The following API5 variants were observed in gnomAD, a reference collection of about 807,000 sequenced individuals.
The protein encoded by API5 is apoptosis inhibitor 5, also known as FIF.
API5 carries 6 observed loss-of-function variants against 71.9 expected under a neutral mutation model. The observed-to-expected ratio is 0.08, with a 90% CI of 0.05 to 0.16. The LOEUF (loss-of-function observed/expected upper bound fraction) is 0.16. API5 is among the 10% of genes least tolerant of loss of function. API5 has a pLI of 1.00. For missense variants in API5, 332 were observed against 612.8 expected (o/e 0.54, Z 4.84); for synonymous variants, 189 against 221.3 (o/e 0.85, Z 1.30).
chr11:43,336,292 T>C (rs967564955), intron 13 of API5: 3 of 401,662 alleles, frequency 7.5e-6, no homozygotes, highest in Non-Finnish European at 1.3e-5. Flanking sequence ...ATTCTTTCCA[T>C]GCTTTCCCAG....
intron 4 of API5, 41 bp from the exon 5 acceptor site, chr11:43,321,944 T>G: frequency 6.3e-7 from 1 of 1,579,978 alleles, no homozygotes; most frequent in Non-Finnish European, 8.6e-7. Flanking sequence ...ACCATTACAC[T>G]ATAGAATTGA....
chr11:43,344,211 G>T lies in API5; in HGVS notation c.*1701G>T, dbSNP rs1213969580. ...CCATTTCAAGTACAGAAATTATAGA[G>T]ACTACAGCTAAATAAATTTGAACAT... On this transcript the variant is annotated 3_prime_UTR_variant, in exon 14 of 14. Coordinates refer to ENST00000531273, the MANE Select transcript of API5 (RefSeq NM_001142930.2). 1 of 152,604 alleles carries T rather than the reference G, an allele frequency of 6.6e-6. No individual in the cohort carries two copies. Among genetic ancestry groups the T allele is most frequent in the East Asian group, 1.9e-4 (1 of 5,196 alleles). The allele number at this position is 152,604 out of a possible 1,614,324, so 9.5% of individuals were successfully genotyped here.
chr11:43,317,239 A>G (rs932948043), intron 1 of API5, among the ~76,000 whole-genome samples: 4 of 152,280 alleles, frequency 2.6e-5, no homozygotes, highest in African/African-American at 9.6e-5. Context: ...ATATATGTGT[A>G]GTCTTTCTGT....
intron 1 of API5, 119 bp downstream of exon 1, chr11:43,312,315 A>C (rs1282455487): frequency 7.3e-6 from 8 of 1,091,498 alleles, no homozygotes; most frequent in Non-Finnish European, 9.4e-6. Context: ...GGGGCCTCCT[A>C]GCCTCCTCAG....
chr11:43,337,661 C>T (rs1183410154), intron 13 of API5, among the ~76,000 whole-genome samples: 2 of 152,178 alleles, frequency 1.3e-5, no homozygotes, highest in Non-Finnish European at 2.9e-5. Context: ...GGAAAGGATT[C>T]TCCGTTACTT....
chr11:43,321,456 T>C lies in API5; in HGVS notation c.371T>C (p.Ile124Thr). ...CTAGTGAACAATGCCCTATTAAGTA[T>C]ATTTAAAATGGATGCAAAAGGTAAG... is the stretch of plus-strand genomic sequence containing the variant. The part of the protein sequence containing the change: ...FNLVNNALLS[I>T]FKMDAKGTLG... The change falls in exon 4 of 14, where the codon ATA becomes ACA. Residue 124 changes from isoleucine to threonine, a missense_variant. Ile to Thr is a moderately conservative substitution (Grantham distance 89). Coordinates refer to ENST00000531273, the MANE Select transcript of API5 (RefSeq NM_001142930.2). 1 of 1,611,162 alleles carries C rather than the reference T, an allele frequency of 6.2e-7. No individual in the cohort carries two copies. The highest frequency in any genetic ancestry group is 8.5e-7 in the Non-Finnish European group (1 of 1,178,314).
chr11:43,331,679 A>T lies in API5; in HGVS notation c.1278+1115A>T, dbSNP rs550549336. Among the ~76,000 whole-genome samples the T allele has an allele frequency of 2.6e-5, 4 of 152,284 alleles. No homozygotes were observed. The East Asian group carries it at 7.7e-4, about 29-fold the overall frequency. ...TTTTATTGGAAAGAATCTGCGTATA[A>T]GTGAGACCATGTAGTCCAAATTCAA... On this transcript the variant is annotated intron_variant, in intron 11 of 13. Coordinates refer to ENST00000531273, the MANE Select transcript of API5 (RefSeq NM_001142930.2).
chr11:43,318,219 A>G (rs1401726407), intron 1 of API5, among the ~76,000 whole-genome samples: 2 of 151,772 alleles, frequency 1.3e-5, no homozygotes, highest in Admixed American at 6.6e-5. Flanking sequence ...ATGTTGGCCA[A>G]GCTAGTCTTG....
chr11:43,326,684 A>G, intron 7 of API5, 73 bp downstream of exon 7: 1 of 846,770 alleles, frequency 1.2e-6, no homozygotes, highest in South Asian at 1.5e-5. Context: ...CCACTAACTT[A>G]GATCCGATTT....
intron 1 of API5, among the ~76,000 whole-genome samples, chr11:43,314,316 T>A (rs766086162): frequency 6.6e-6 from 1 of 152,174 alleles, no homozygotes; most frequent in Non-Finnish European, 1.5e-5. Flanking sequence ...GGAATCCTTC[T>A]AAGAAACCTT....
At chr11:43,333,234 G>A (rs1003033330) in intron 11 of API5, among the ~76,000 whole-genome samples, 3 of 152,118 alleles carry the variant, frequency 2.0e-5, no homozygotes, top group Non-Finnish European at 4.4e-5. Flanking sequence ...TAGTATTTGC[G>A]TATAACCTAC....
intron 9 of API5, 89 bp from the exon 10 acceptor site, chr11:43,329,876 C>T: frequency 9.4e-7 from 1 of 1,058,918 alleles, no homozygotes; most frequent in Non-Finnish European, 1.4e-6. Flanking sequence ...CATTTCTGCA[C>T]TTAGGATCAT....
In API5 at chr11:43,318,621, G is replaced by C; in HGVS notation, c.70-19G>C. 6.2e-7 allele frequency: 1 copy of C among 1,609,882 alleles called. No individual in the cohort carries two copies. ...TCCTTCAAAATCATGTGTCTTTCCT[G>C]CTTTATTTTTTATTTCAGCATAAAG... On this transcript the variant is annotated intron_variant, in intron 1 of 13. Transcript: ENST00000531273.
intron 3 of API5, 149 bp from the exon 4 acceptor site, chr11:43,321,262 G>A (rs1366548768): frequency 2.4e-5 from 17 of 694,666 alleles, no homozygotes; most frequent in Middle Eastern, 2.8e-4. Context: ...CAAGGAACAC[G>A]TATCTTTTTG....
At chr11:43,328,964 T>A in intron 9 of API5, 71 bp downstream of exon 9, 1 of 1,526,008 alleles carries the variant, frequency 6.6e-7, no homozygotes, top group Non-Finnish European at 9.0e-7. Flanking sequence ...TGGGTTTTGC[T>A]TTTGTTCTAT....
chr11:43,322,714 T>C (rs1311020289), intron 5 of API5, among the ~76,000 whole-genome samples: 1 of 152,224 alleles, frequency 6.6e-6, no homozygotes, highest in Non-Finnish European at 1.5e-5. Context: ...GCATTTTATC[T>C]AAAGCATGTG....
chr11:43,333,248 A>G (rs186253537), intron 11 of API5, among the ~76,000 whole-genome samples: 70 of 152,268 alleles, frequency 4.6e-4, no homozygotes, highest in South Asian at 1.0e-3. Flanking sequence ...AACCTACACA[A>G]ACCCTCCCCT....
intron 1 of API5, among the ~76,000 whole-genome samples, chr11:43,315,591 G>A (rs1313525385): frequency 6.6e-6 from 1 of 152,110 alleles, no homozygotes; most frequent in Non-Finnish European, 1.5e-5. Flanking sequence ...ATACATATAT[G>A]AGCATGTATA....
chr11:43,322,631 T>C (rs1297991734), intron 5 of API5, among the ~76,000 whole-genome samples: 6 of 152,248 alleles, frequency 3.9e-5, no homozygotes, highest in African/African-American at 1.2e-4. Context: ...TGCGTCACAA[T>C]TAACTTTTCA....
Sources: allele counts gnomAD v4.1 joint callset (sites outside exome capture counted in the v4.1 genomes callset), GRCh38; gene constraint gnomAD v4.1.1; transcripts MANE v1.5; gene names NCBI Gene and HGNC (gene_info 2026-07-23, HGNC 2026-07-21).